Variants in KCNQ3 observed in about 807,000 individuals in gnomAD.
The protein encoded by KCNQ3 is potassium voltage-gated channel subfamily Q member 3.
A neutral mutation model predicts 92.5 loss-of-function variants in KCNQ3; 30 were observed. The ratio of observed to expected loss-of-function variants is 0.32; its 90% CI spans 0.24 to 0.44. KCNQ3 has a LOEUF of 0.44. KCNQ3 is among the 20% of genes least tolerant of loss of function. KCNQ3 has a pLI of 1.00. For synonymous variants in KCNQ3, 450 were observed against 468.8 expected, an observed-to-expected ratio of 0.96 and a Z score of 0.52; for missense variants, 913 against 1,140.3, an observed-to-expected ratio of 0.80 and a Z score of 2.87.
chr8:132,376,996 A>G (rs1378124643), intron 1 of KCNQ3, among the ~76,000 whole-genome samples: 4 of 152,172 alleles, frequency 2.6e-5, no homozygotes, highest in Admixed American at 1.3e-4. Context: ...GAGAGAGGAA[A>G]AGGGAATTGC....
At chr8:132,168,746 TGTGTGTG>T (rs1826215951) in intron 8 of KCNQ3, among the ~76,000 whole-genome samples, 1 of 146,028 alleles carries the variant, frequency 6.8e-6, no homozygotes, top group African/African-American at 2.5e-5. Flanking sequence ...TGTGTGTGTG[TGTGTGTG>T]TGTGTGTGTG....
intron 1 of KCNQ3, among the ~76,000 whole-genome samples, chr8:132,226,990 T>C (rs1814441883): frequency 6.6e-6 from 1 of 152,044 alleles, no homozygotes; most frequent in Non-Finnish European, 1.5e-5. Flanking sequence ...AAGTCACTTG[T>C]CATAGTTACA....
intron 1 of KCNQ3, among the ~76,000 whole-genome samples, chr8:132,312,630 TAGG>T (rs1817628156): frequency 2.6e-5 from 4 of 152,312 alleles, no homozygotes; most frequent in Admixed American, 2.6e-4. Context: ...AGAGACCTGG[TAGG>T]AGGTGACTGG....
intron 1 of KCNQ3, among the ~76,000 whole-genome samples, chr8:132,323,564 G>C (rs568717557): frequency 1.2e-4 from 18 of 152,242 alleles, no homozygotes; most frequent in African/African-American, 4.1e-4. Context: ...CCTGCTCCTA[G>C]CCTGTTTTAG....
At chr8:132,376,185 G>A (rs1404355123) in intron 1 of KCNQ3, among the ~76,000 whole-genome samples, 1 of 152,136 alleles carries the variant, frequency 6.6e-6, no homozygotes, top group Non-Finnish European at 1.5e-5. Context: ...TAAGAGGCAT[G>A]CTTTTTTCTC....
intron 1 of KCNQ3, among the ~76,000 whole-genome samples, chr8:132,369,135 G>T (rs1037728793): frequency 1.3e-5 from 2 of 152,074 alleles, no homozygotes; most frequent in Non-Finnish European, 2.9e-5. Context: ...GTTTTGGGGA[G>T]GTAAAGTGGC....
intron 1 of KCNQ3, among the ~76,000 whole-genome samples, chr8:132,432,523 A>G (rs1247232406): frequency 1.3e-5 from 2 of 152,188 alleles, no homozygotes; most frequent in East Asian, 3.9e-4. Context: ...TAATAGCTTC[A>G]CTAGCCTCCT....
Position 132,123,694 on chromosome 8 carries a change from TTCTTTGC to T in KCNQ3, c.*5561_*5567del, listed in dbSNP as rs1328390351. ...AATCACTGAGGGACGTGGTGTGATG[TTCTTTGC>T]TCTGAGCTTCTGCTTCTTGATCTAA... On this transcript the variant is annotated 3_prime_UTR_variant, in exon 15 of 15. Coordinates refer to ENST00000388996, the MANE Select transcript of KCNQ3 (RefSeq NM_004519.4). 14 of 152,244 alleles carry T rather than the reference TTCTTTGC, an allele frequency of 9.2e-5. No homozygotes were observed. Among genetic ancestry groups the T allele is most frequent in the Admixed American group, 6.5e-4 (10 of 15,284 alleles). 9.4% of individuals were successfully genotyped at this position (152,244 alleles called of 1,614,324 possible). A position where few individuals can be genotyped will look rare whatever the true frequency, so the allele number is the denominator to read the frequency against.
At chr8:132,433,434 C>T (rs886706487) in intron 1 of KCNQ3, among the ~76,000 whole-genome samples, 1 of 152,174 alleles carries the variant, frequency 6.6e-6, no homozygotes, top group African/African-American at 2.4e-5. Context: ...CATCTCTGAC[C>T]GCAGACACAG....
chr8:132,311,849 C>A (rs553878594), intron 1 of KCNQ3, among the ~76,000 whole-genome samples: 8 of 152,194 alleles, frequency 5.3e-5, no homozygotes, highest in Non-Finnish European at 1.2e-4. Flanking sequence ...CTATTCAGAT[C>A]CTCAGAATGT....
At chr8:132,373,510 C>G (rs778027754) in intron 1 of KCNQ3, among the ~76,000 whole-genome samples, 2 of 152,106 alleles carry the variant, frequency 1.3e-5, no homozygotes, top group Non-Finnish European at 2.9e-5. Flanking sequence ...TAATTCTCAC[C>G]TACCTACATT....
At chr8:132,246,244 C>G (rs1350081790) in intron 1 of KCNQ3, among the ~76,000 whole-genome samples, 1 of 152,082 alleles carries the variant, frequency 6.6e-6, no homozygotes, top group Non-Finnish European at 1.5e-5. Flanking sequence ...TTAAATAAAC[C>G]TAGGAAATAA....
At chr8:132,213,302 G>T (rs1343391210) in intron 1 of KCNQ3, among the ~76,000 whole-genome samples, 3 of 152,080 alleles carry the variant, frequency 2.0e-5, no homozygotes, top group Non-Finnish European at 2.9e-5. Flanking sequence ...GGCACCAGGG[G>T]CTCCATTTCA....
At chr8:132,234,448 A>G (rs952426972) in intron 1 of KCNQ3, among the ~76,000 whole-genome samples, 3 of 148,094 alleles carry the variant, frequency 2.0e-5, no homozygotes, top group South Asian at 2.1e-4. Context: ...GCCTGCACAG[A>G]GTTCTGGAAA....
intron 1 of KCNQ3, among the ~76,000 whole-genome samples, chr8:132,378,894 G>A (rs1004563863): frequency 5.3e-5 from 8 of 152,190 alleles, no homozygotes; most frequent in African/African-American, 1.9e-4. Flanking sequence ...CATAATTGCA[G>A]AAGGATGTGA....
intron 1 of KCNQ3, among the ~76,000 whole-genome samples, chr8:132,307,088 A>G (rs1225107331): frequency 6.6e-6 from 1 of 152,216 alleles, no homozygotes; most frequent in Non-Finnish European, 1.5e-5. Flanking sequence ...TTTACCACAA[A>G]TGACTGAGCA....
At chr8:132,386,883 C>T (rs1778745451) in intron 1 of KCNQ3, among the ~76,000 whole-genome samples, 1 of 152,112 alleles carries the variant, frequency 6.6e-6, no homozygotes, top group African/African-American at 2.4e-5. Context: ...GGGAGCATTA[C>T]ATCATGTTGA....
At chr8:132,174,394 A>C in intron 5 of KCNQ3, 45 bp from the exon 6 acceptor site, 1 of 1,398,454 alleles carries the variant, frequency 7.2e-7, no homozygotes, top group Non-Finnish European at 9.9e-7. Flanking sequence ...ATGGAGAGGA[A>C]TATCAGGAAC....
intron 4 of KCNQ3, among the ~76,000 whole-genome samples, chr8:132,179,923 G>C (rs376668367): frequency 6.6e-6 from 1 of 152,182 alleles, no homozygotes; most frequent in Non-Finnish European, 1.5e-5. Context: ...GCATATGGTG[G>C]AGCCAATACC....
Sources: gnomAD v4.1 joint callset for allele counts (sites outside exome capture counted in the v4.1 genomes callset) on GRCh38, gnomAD v4.1.1 for gene constraint, MANE v1.5 for transcripts, NCBI Gene and HGNC (gene_info 2026-07-23, HGNC 2026-07-21) for gene names.